SNCAIP: variants seen among roughly 807,000 people sequenced by gnomAD.
The protein encoded by SNCAIP is synuclein alpha interacting protein, also known as synphilin-1.
In SNCAIP, 43 loss-of-function variants were observed where a neutral mutation model predicts 86.7. The ratio of observed to expected loss-of-function variants is 0.50; its 90% CI spans 0.39 to 0.64. SNCAIP has a LOEUF of 0.64. Among genes scored for constraint, SNCAIP ranks in the 30% least tolerant of loss-of-function variants. The pLI is 0.00. For synonymous variants in SNCAIP, 417 were observed against 427.2 expected, an observed-to-expected ratio of 0.98 and a Z score of 0.29; for missense variants, 981 against 1,103.1, an observed-to-expected ratio of 0.89 and a Z score of 1.57.
chr5:122,455,605 A>G (rs1056861903), intron 10 of SNCAIP, among the ~76,000 whole-genome samples: 18 of 152,194 alleles, frequency 1.2e-4, no homozygotes, highest in Admixed American at 1.0e-3. Context: ...CCTGGGGAAA[A>G]GAGTGAGGCG....
chr5:122,335,744 G>C (rs1020902284), intron 1 of SNCAIP, among the ~76,000 whole-genome samples: 2 of 152,146 alleles, frequency 1.3e-5, no homozygotes, highest in Non-Finnish European at 2.9e-5. Flanking sequence ...AGGGCTCTTC[G>C]GCATTGTACT....
At chr5:122,455,892 T>C (rs557379427) in intron 10 of SNCAIP, among the ~76,000 whole-genome samples, 28 of 152,306 alleles carry the variant, frequency 1.8e-4, no homozygotes, top group African/African-American at 6.5e-4. Context: ...GAGGATCACT[T>C]GGTTTATAAC....
intron 1 of SNCAIP, among the ~76,000 whole-genome samples, chr5:122,383,215 C>T (rs571688705): frequency 5.8e-4 from 88 of 152,296 alleles, no homozygotes; most frequent in Middle Eastern, 3.4e-3. Flanking sequence ...TAGGACCCTC[C>T]GAGCCAGGTG....
rs80309330 is a variant in SNCAIP at position 122,396,057 on chromosome 5, A to G, written c.57+4866A>G. Among the ~76,000 whole-genome samples, 13 of 152,138 alleles carry G rather than the reference A, an allele frequency of 8.5e-5. No individual in the cohort carries two copies. In the East Asian group the frequency reaches 2.5e-3, roughly 29 times the overall value. ...ACTTTGTTTAGTGCTTCTCCGTGTG[A>G]TCTAGTTCCAGCAACTGTCCAGAAT... On this transcript the variant is annotated intron_variant, in intron 2 of 10. Transcript: ENST00000261368.
chr5:122,400,630 T>C (rs1771600133), intron 2 of SNCAIP, among the ~76,000 whole-genome samples: 1 of 152,194 alleles, frequency 6.6e-6, no homozygotes, highest in African/African-American at 2.4e-5. Flanking sequence ...CAGCCAGGGC[T>C]TCATGGAGAA....
chr5:122,326,862 T>C (rs1313351735), intron 1 of SNCAIP, among the ~76,000 whole-genome samples: 1 of 151,964 alleles, frequency 6.6e-6, no homozygotes, highest in East Asian at 1.9e-4. Flanking sequence ...CAGCTCCAGG[T>C]GGAAGTCCTG....
At chr5:122,315,123 A>G (rs1344852908) in intron 1 of SNCAIP, among the ~76,000 whole-genome samples, 3 of 152,236 alleles carry the variant, frequency 2.0e-5, no homozygotes, top group Non-Finnish European at 4.4e-5. Context: ...AATTGCCACT[A>G]TAGCTTATGA....
chr5:122,364,646 C>T (rs2152775248), intron 1 of SNCAIP, among the ~76,000 whole-genome samples: 1 of 152,328 alleles, frequency 6.6e-6, no homozygotes, highest in African/African-American at 2.4e-5. Context: ...GCACTACGTG[C>T]TTTGATACAA....
At chr5:122,376,490 G>C (rs1436378315) in intron 1 of SNCAIP, among the ~76,000 whole-genome samples, 1 of 152,046 alleles carries the variant, frequency 6.6e-6, no homozygotes, top group Non-Finnish European at 1.5e-5. Context: ...ATGATTGGTT[G>C]GCTTAAGCCC....
At chr5:122,359,354 TTTA>T (rs1561576586) in intron 1 of SNCAIP, among the ~76,000 whole-genome samples, 1 of 145,174 alleles carries the variant, frequency 6.9e-6, no homozygotes, top group African/African-American at 2.5e-5. Context: ...TTTATTTTTA[TTTA>T]TTTATTTATT....
At chr5:122,323,866 T>C (rs1254526788) in intron 1 of SNCAIP, among the ~76,000 whole-genome samples, 1 of 151,972 alleles carries the variant, frequency 6.6e-6, no homozygotes, top group African/African-American at 2.4e-5. Flanking sequence ...TTCTTTCTCC[T>C]CCCCCCTCCA....
chr5:122,315,156 C>T (rs1306054934), intron 1 of SNCAIP, among the ~76,000 whole-genome samples: 2 of 152,200 alleles, frequency 1.3e-5, no homozygotes, highest in Non-Finnish European at 2.9e-5. Context: ...GCAATTTGAG[C>T]TGGGCTCAGT....
In SNCAIP at chr5:122,430,478, G is replaced by C. The variant is rs748021472; in HGVS notation, c.1183-1491G>C. On this transcript the variant is annotated intron_variant, in intron 5 of 10. Coordinates refer to ENST00000261368, the MANE Select transcript of SNCAIP (RefSeq NM_005460.4). Reference sequence around the variant, plus strand: ...TTACTATTATCCCTGCTATTTCACTGTTTCACAGATAAGAAAATTGAGTAT... The same window carrying C: ...TTACTATTATCCCTGCTATTTCACTCTTTCACAGATAAGAAAATTGAGTAT... Among the ~76,000 whole-genome samples, 15 of 152,274 alleles carry C rather than the reference G, an allele frequency of 9.9e-5. No homozygotes were observed. The East Asian group carries it at 2.9e-3, about 29-fold the overall frequency.
At chr5:122,343,130 G>A (rs936203544) in intron 1 of SNCAIP, among the ~76,000 whole-genome samples, 1 of 152,202 alleles carries the variant, frequency 6.6e-6, no homozygotes, top group East Asian at 1.9e-4. Flanking sequence ...AATGGCACAA[G>A]TACAAACTGA....
At chr5:122,424,525 A>AG (rs1777000653) in intron 4 of SNCAIP, among the ~76,000 whole-genome samples, 1 of 152,250 alleles carries the variant, frequency 6.6e-6, no homozygotes, top group African/African-American at 2.4e-5. Context: ...CTTAGTATAA[A>AG]GCCATGCATA....
In SNCAIP at chr5:122,393,316, C is replaced by G. The variant is rs61093277; in HGVS notation, c.57+2125C>G. The stretch of plus-strand genomic sequence containing the variant: ...CGTTTATTGAACATTTACCATGGGA[C>G]AGGCATTATCTTGGTTAATCCTCAC... On this transcript the variant is annotated intron_variant, in intron 2 of 10. Coordinates refer to ENST00000261368, the MANE Select transcript of SNCAIP (RefSeq NM_005460.4). Among the ~76,000 whole-genome samples, 1,259 of 152,262 alleles carry G rather than the reference C, an allele frequency of 8.3e-3. 22 individuals carry two copies. Among genetic ancestry groups the G allele is most frequent in the African/African-American group, 0.029 (1,184 of 41,522 alleles).
chr5:122,380,383 G>T (rs1766437232), intron 1 of SNCAIP, among the ~76,000 whole-genome samples: 1 of 152,048 alleles, frequency 6.6e-6, no homozygotes, highest in Admixed American at 6.5e-5. Context: ...GATCAGTGGT[G>T]ATATCCCCTT....
chr5:122,311,647 G>C (rs1301196100), upstream of SNCAIP: 1 of 152,032 alleles, frequency 6.6e-6, no homozygotes, highest in Non-Finnish European at 1.5e-5. Context: ...ATTTCCAGGG[G>C]GAGAGGCCAA....
At chr5:122,338,939 C>G (rs1258237136) in intron 1 of SNCAIP, among the ~76,000 whole-genome samples, 1 of 152,082 alleles carries the variant, frequency 6.6e-6, no homozygotes, top group African/African-American at 2.4e-5. Flanking sequence ...AAGGAGCTCT[C>G]CTAGTAGATT....
Sources: allele counts gnomAD v4.1 joint callset (sites outside exome capture counted in the v4.1 genomes callset), GRCh38; gene constraint gnomAD v4.1.1; transcripts MANE v1.5; gene names NCBI Gene and HGNC (gene_info 2026-07-23, HGNC 2026-07-21).